RYR3: variants seen among roughly 807,000 people sequenced by gnomAD.
The protein encoded by RYR3 is ryanodine receptor 3.
In RYR3, 207 loss-of-function variants were observed where a neutral mutation model predicts 584.3. That is an observed-to-expected ratio of 0.35 (90% CI 0.32 to 0.40). The LOEUF (loss-of-function observed/expected upper bound fraction) is 0.40, where lower values mean the gene tolerates loss of function less well. RYR3 is among the 10% of genes least tolerant of loss of function. RYR3 has a pLI of 1.00. For missense variants in RYR3, 5,616 were observed against 6,089.2 expected (o/e 0.92, Z 2.59); for synonymous variants, 2,416 against 2,248.5 (o/e 1.07, Z -2.11).
At chr15:33,523,490 G>A (rs905611734) in intron 3 of RYR3, among the ~76,000 whole-genome samples, 7 of 152,054 alleles carry the variant, frequency 4.6e-5, no homozygotes, top group East Asian at 1.9e-4. Context: ...CAAGGTCTGC[G>A]GCTTCATTCT....
chr15:33,860,812 C>G (rs1002473995), intron 101 of RYR3, among the ~76,000 whole-genome samples, 153 bp downstream of exon 101: 1 of 152,008 alleles, frequency 6.6e-6, no homozygotes, highest in Non-Finnish European at 1.5e-5. Context: ...CCCTGCCATA[C>G]CCCTGCCAGG....
At chr15:33,724,334 T>C (rs959901753) in intron 45 of RYR3, among the ~76,000 whole-genome samples, 158 bp downstream of exon 45, 2 of 152,248 alleles carry the variant, frequency 1.3e-5, no homozygotes, top group Admixed American at 6.5e-5. Context: ...CCACCTCTGA[T>C]ACGTGACTCT....
intron 60 of RYR3, among the ~76,000 whole-genome samples, chr15:33,767,898 G>A (rs184431492): frequency 6.6e-6 from 1 of 152,172 alleles, no homozygotes; most frequent in Non-Finnish European, 1.5e-5. Flanking sequence ...TTCAGAAACA[G>A]CGATGGACTC....
chr15:33,538,853 T>C (rs560691181), intron 5 of RYR3, among the ~76,000 whole-genome samples: 2 of 152,334 alleles, frequency 1.3e-5, no homozygotes, highest in African/African-American at 4.8e-5. Context: ...TCAATTTATC[T>C]TCTTTGCTAT....
At chr15:33,843,696 A>G in intron 92 of RYR3, 122 bp downstream of exon 92, 1 of 682,846 alleles carries the variant, frequency 1.5e-6, no homozygotes, top group Non-Finnish European at 2.5e-6. Flanking sequence ...TAGGTAGCAA[A>G]TTTCTAAGAC....
chr15:33,517,606 G>A (rs2053627286), intron 3 of RYR3, among the ~76,000 whole-genome samples: 1 of 152,204 alleles, frequency 6.6e-6, no homozygotes, highest in South Asian at 2.1e-4. Context: ...GTTAACCTCT[G>A]CAGCATCATG....
chr15:33,631,232 C>T lies in RYR3; in HGVS notation c.2806C>T (p.His936Tyr). 6.3e-7 allele frequency: 1 copy of T among 1,590,066 alleles called. No individual in the cohort carries two copies. Among genetic ancestry groups the T allele is most frequent in the Non-Finnish European group, 8.6e-7 (1 of 1,167,180 alleles). ...CAGAACCCTCTTGGCCCTGGGGTGCCACATTGCTCATGTTAACCCAGCTGC... is the reference window on the plus strand; with the variant it reads ...CAGAACCCTCTTGGCCCTGGGGTGCTACATTGCTCATGTTAACCCAGCTGC... Reference protein sequence around the residue: ...TLKTLLALGCHIAHVNPAAEE... With the variant: ...TLKTLLALGCYIAHVNPAAEE... The change falls in exon 23 of 104, where the codon CAC becomes TAC. Residue 936 changes from histidine to tyrosine, a missense_variant. Physicochemically the swap from His to Tyr is moderately conservative, Grantham distance 83 (BLOSUM62 2). Around this residue, in one of 9 missense-constraint regions of RYR3, gnomAD observed 1,284 missense variants for 1,344.6 expected, o/e 0.95. Transcript: ENST00000634891.
chr15:33,829,153 G>A (rs751033334), intron 85 of RYR3, among the ~76,000 whole-genome samples: 8 of 149,958 alleles, frequency 5.3e-5, no homozygotes, highest in Non-Finnish European at 7.4e-5. Context: ...GCCCACTGTT[G>A]ACACCAACTG....
intron 60 of RYR3, among the ~76,000 whole-genome samples, chr15:33,768,290 A>T (rs984044507): frequency 6.6e-5 from 10 of 152,216 alleles, no homozygotes; most frequent in African/African-American, 2.4e-4. Context: ...GGGGAAAATC[A>T]TGCTTTTTTC....
chr15:33,817,961 G>A (rs902705996), intron 75 of RYR3, among the ~76,000 whole-genome samples: 4 of 152,192 alleles, frequency 2.6e-5, no homozygotes, highest in African/African-American at 9.6e-5. Context: ...CATGAAAAGC[G>A]ATAAAGAAAA....
chr15:33,675,044 G>A (rs532276326), intron 38 of RYR3, among the ~76,000 whole-genome samples: 25 of 152,340 alleles, frequency 1.6e-4, no homozygotes, highest in Admixed American at 3.9e-4. Flanking sequence ...GCAGTGAGCC[G>A]AGATAGTGCC....
At chr15:33,734,843 C>T (rs1486607499) in intron 48 of RYR3, among the ~76,000 whole-genome samples, 4 of 151,974 alleles carry the variant, frequency 2.6e-5, no homozygotes, top group African/African-American at 4.8e-5. Flanking sequence ...GCACCCGCCA[C>T]CACGCCTGGC....
In RYR3 at chr15:33,838,602, C is replaced by T. The variant is rs886568181; in HGVS notation, c.12622C>T (p.Gln4208Ter). Residue 4208 changes from glutamine (Q) to a stop codon, truncating the protein, a stop_gained, in exon 89 of 104, where the codon CAG (glutamine) becomes TAG (stop). Transcript: ENST00000634891. LOFTEE classifies it high-confidence loss of function. The part of the protein sequence containing the change: ...LLFTILGGIF[Q>*]ILWSTVFGGG... ...CTTCACCATCCTGGGAGGAATCTTT[C>T]AGATCCTCTGGAGCACAGTGTTTGG... is the stretch of plus-strand genomic sequence containing the variant. 1.1e-5 allele frequency: 17 copies of T among 1,613,870 alleles called. No individual in the cohort carries two copies. Among genetic ancestry groups the T allele is most frequent in the Non-Finnish European group, 1.4e-5 (17 of 1,179,852 alleles).
intron 1 of RYR3, among the ~76,000 whole-genome samples, chr15:33,317,342 G>A (rs79873843): frequency 5.3e-5 from 8 of 152,142 alleles, no homozygotes; most frequent in South Asian, 2.1e-4. Context: ...GGCTGCACCC[G>A]GATGAAGCAG....
chr15:33,523,574 G>A (rs1255828698), intron 3 of RYR3, among the ~76,000 whole-genome samples: 1 of 152,140 alleles, frequency 6.6e-6, no homozygotes. Context: ...CCTCCTGGAA[G>A]AGCAGTCTGC....
chr15:33,844,719 C>G lies in RYR3; in HGVS notation c.13297-143C>G, dbSNP rs1463071529. 5.7e-6 allele frequency: 4 copies of G among 700,578 alleles called. No individual in the cohort carries two copies. In the Admixed American group the frequency reaches 8.9e-5, roughly 16 times the overall value. 43.4% of individuals were successfully genotyped at this position (700,578 alleles called of 1,614,324 possible). ...CTGGGTGATTCCTAGTAATAAGTCA[C>G]CTAAAAACCTCATTCATTCAGCAAG... On this transcript the variant is annotated intron_variant, in intron 92 of 103. Coordinates refer to ENST00000634891, the MANE Select transcript of RYR3 (RefSeq NM_001036.6).
intron 1 of RYR3, among the ~76,000 whole-genome samples, chr15:33,375,248 CTGTT>C (rs143435548): frequency 0.13 from 19,614 of 152,134 alleles, 1,463 homozygotes; most frequent in East Asian, 0.37. Context: ...GCTTAGGACA[CTGTT>C]TGATGCATGG....
At chr15:33,524,478 C>T (rs2054249426) in intron 3 of RYR3, among the ~76,000 whole-genome samples, 1 of 152,176 alleles carries the variant, frequency 6.6e-6, no homozygotes, top group Admixed American at 6.5e-5. Flanking sequence ...TATTATAATG[C>T]TCTTATCACA....
intron 62 of RYR3, among the ~76,000 whole-genome samples, chr15:33,769,794 C>CA (rs1234325926): frequency 2.0e-5 from 3 of 151,742 alleles, no homozygotes; most frequent in Non-Finnish European, 4.4e-5. Context: ...ACAGAAAATA[C>CA]AAAAACTAGC....
Sources: gnomAD v4.1 joint callset for allele counts (sites outside exome capture counted in the v4.1 genomes callset) on GRCh38, gnomAD v4.1.1 for gene constraint, gnomAD v4.1.1 regional missense constraint, MANE v1.5 for transcripts, NCBI Gene and HGNC (gene_info 2026-07-23, HGNC 2026-07-21) for gene names.